The following ADCY7 variants were observed in gnomAD, a reference collection of about 807,000 sequenced individuals.
ADCY7 encodes adenylate cyclase type 7.
In ADCY7, 72 loss-of-function variants were observed where a neutral mutation model predicts 120.6. The ratio of observed to expected loss-of-function variants is 0.60; its 90% confidence interval spans 0.49 to 0.73. ADCY7 has a LOEUF of 0.73. ADCY7 is among the 30% of genes least tolerant of loss of function. The pLI, the probability that ADCY7 is intolerant of heterozygous loss-of-function variation, is 0.00. For missense variants in ADCY7, 1,227 were observed against 1,486.0 expected, an observed-to-expected ratio of 0.83 and a Z score of 2.87; for synonymous variants, 661 against 628.0, an observed-to-expected ratio of 1.05 and a Z score of -0.78.
chr16:50,276,424 T>A (rs895507983), intron 1 of ADCY7, among the ~76,000 whole-genome samples: 6 of 152,164 alleles, frequency 3.9e-5, no homozygotes, highest in Admixed American at 3.9e-4. Context: ...ATGCATGCCA[T>A]CTAGACTGGG....
At chr16:50,285,475 G>T (rs2034523492) in intron 1 of ADCY7, among the ~76,000 whole-genome samples, 1 of 152,226 alleles carries the variant, frequency 6.6e-6, no homozygotes, top group Non-Finnish European at 1.5e-5. Context: ...GGGACTTGGG[G>T]ACCCTGGATA....
upstream of ADCY7, among the ~76,000 whole-genome samples, chr16:50,262,025 C>T (rs1045057718): frequency 3.3e-5 from 5 of 152,316 alleles, no homozygotes; most frequent in South Asian, 6.2e-4. Context: ...AAGGGCTCGA[C>T]ATCTAGGTTT....
At position 50,316,617 on chromosome 16, in the gene ADCY7, G is replaced by GC. The variant is rs2036812333; in HGVS notation, c.*1117dup. 2 of 152,298 alleles carry GC rather than the reference G, an allele frequency of 1.3e-5. No homozygotes were observed. Among genetic ancestry groups the GC allele is most frequent in the African/African-American group, 4.8e-5 (2 of 41,418 alleles). The allele number at this position is 152,298 out of a possible 1,614,324, so 9.4% of individuals were successfully genotyped here. On this transcript the variant is annotated 3_prime_UTR_variant, in exon 26 of 26. Transcript: ENST00000673801. ...AGAGGCTCCTGGATCTGGGAAGCCCGCCCCCTCACAAATGCTGAGCCGTTC... is the reference window on the plus strand; with the variant it reads ...AGAGGCTCCTGGATCTGGGAAGCCCGCCCCCCTCACAAATGCTGAGCCGTTC...
intron 23 of ADCY7, 37 bp downstream of exon 23, chr16:50,314,099 C>T: frequency 6.3e-7 from 1 of 1,592,136 alleles, no homozygotes; most frequent in Non-Finnish European, 8.6e-7. Flanking sequence ...AGCTGACTGT[C>T]CTCACTTAAA....
chr16:50,252,935 T>C (rs2032802195), intron 1 of ADCY7, among the ~76,000 whole-genome samples: 1 of 152,214 alleles, frequency 6.6e-6, no homozygotes, highest in Admixed American at 6.5e-5. Flanking sequence ...AGACTTCTTT[T>C]CTTTTTTCAA....
chr16:50,253,669 CTT>C (rs2032825792), intron 1 of ADCY7, among the ~76,000 whole-genome samples: 1 of 152,188 alleles, frequency 6.6e-6, no homozygotes, highest in African/African-American at 2.4e-5. Flanking sequence ...ACTGCCCACT[CTT>C]TTGTGGTCAG....
Position 50,301,154 on chromosome 16 carries a change from G to A in ADCY7, c.1308G>A (p.Gln436=), listed in dbSNP as rs2035694096. The A allele has an allele frequency of 6.2e-7, 1 of 1,613,364 alleles. No homozygotes were observed. The highest frequency in any genetic ancestry group is 1.3e-5 in the African/African-American group (1 of 74,916). ...KAYEVEDGHG[Q]QRDPYLKEMN... is the part of the protein sequence containing the mutation. ...ACGAGGTGGAGGATGGGCACGGGCA[G>A]CAGCGGGACCCCTACCTCAAGGAGA... Residue 436 remains glutamine, a synonymous_variant, in exon 10 of 26, where the codon CAG becomes CAA. Transcript: ENST00000673801.
At position 50,310,733 on chromosome 16, in the gene ADCY7, TC is replaced by T; in HGVS notation, c.2209del (p.Leu737Ter). On this transcript the variant is annotated frameshift_variant, in exon 19 of 26. Transcript: ENST00000673801. LOFTEE classifies it high-confidence loss of function. ...CTGGGCTTCATCGCCTGCTCGGTCT[TC>T]CTGAGGATGAGCCTGGAGCCAAAGG... The part of the protein sequence containing the change: ...CVLGFIACSV[F>X]LRMSLEPKVV... 1 of 1,614,088 alleles carries T rather than the reference TC, an allele frequency of 6.2e-7. No individual in the cohort carries two copies. Among genetic ancestry groups the T allele is most frequent in the African/African-American group, 1.3e-5 (1 of 75,012 alleles).
At chr16:50,308,853 G>A (rs367774893) in intron 17 of ADCY7, 61 bp downstream of exon 17, 18 of 1,531,506 alleles carry the variant, frequency 1.2e-5, no homozygotes, top group African/African-American at 1.4e-5. Flanking sequence ...GATTTGGGAC[G>A]CCTACAATGT....
Position 50,298,957 on chromosome 16 carries a change from G to A in ADCY7, c.1002G>A (p.Ser334=), listed in dbSNP as rs551350058. 7.4e-6 allele frequency: 12 copies of A among 1,613,676 alleles called. No individual in the cohort carries two copies. Among genetic ancestry groups the A allele is most frequent in the Middle Eastern group, 1.6e-4 (1 of 6,084 alleles). Residue 334 remains serine, a synonymous_variant, in exon 8 of 26, where the codon TCG becomes TCA. Coordinates refer to ENST00000673801, the MANE Select transcript of ADCY7 (RefSeq NM_001114.5). The stretch of plus-strand genomic sequence containing the variant: ...TCGGCGACTGCTACTACTGTGTATC[G>A]GGCCTGCCCGTGTCGCTGCCTACCC... ...KILGDCYYCV[S]GLPVSLPTHA...
intron 4 of ADCY7, 82 bp from the exon 5 acceptor site, chr16:50,292,594 T>C: frequency 1.3e-6 from 2 of 1,522,766 alleles, no homozygotes; most frequent in Non-Finnish European, 1.8e-6. Context: ...AGAGGTGCCA[T>C]CACTAGTCCG....
intron 3 of ADCY7, 97 bp from the exon 4 acceptor site, chr16:50,291,639 A>T: frequency 1.4e-6 from 2 of 1,446,330 alleles, no homozygotes; most frequent in Non-Finnish European, 1.9e-6. Flanking sequence ...CAACCTAAGG[A>T]TACGCACTGG....
chr16:50,315,404 T>C lies in ADCY7; in HGVS notation c.3142T>C (p.Cys1048Arg). 6.2e-7 allele frequency: 1 copy of C among 1,614,032 alleles called. No homozygotes were observed. The highest frequency in any genetic ancestry group is 8.5e-7 in the Non-Finnish European group (1 of 1,179,878). The part of the protein sequence containing the change: ...CTILQGLGYS[C>R]ECRGLINVKG... ...CATCCTCCAGGGCCTCGGGTACTCT[T>C]GTGAATGCCGTGGCCTGATCAACGT... Residue 1048 changes from cysteine (C) to arginine (R), a missense_variant, in exon 26 of 26, where the codon TGT becomes CGT. This residue lies in a region of ADCY7 where 244 missense variants were observed against 332.8 expected (regional missense o/e 0.73). Coordinates refer to ENST00000673801, the MANE Select transcript of ADCY7 (RefSeq NM_001114.5).
intron 1 of ADCY7, among the ~76,000 whole-genome samples, chr16:50,283,103 G>A (rs908401694): frequency 1.3e-5 from 2 of 152,152 alleles, no homozygotes; most frequent in South Asian, 4.1e-4. Context: ...CCTTCCAGTT[G>A]ACTCTGAACC....
rs2036843495 is a variant in ADCY7, at chr16:50,317,240, A to G, written c.*1735A>G. ...ATAGAAGAACTTGCTGTATAAAGGA[A>G]TTTCATGGCAACAATGCTGGTAAGG... On this transcript the variant is annotated 3_prime_UTR_variant, in exon 26 of 26. Coordinates refer to ENST00000673801, the MANE Select transcript of ADCY7 (RefSeq NM_001114.5). 6.6e-6 allele frequency: 1 copy of G among 151,016 alleles called. No homozygotes were observed. The highest frequency in any genetic ancestry group is 2.5e-5 in the African/African-American group (1 of 39,754). The allele number at this position is 151,016 out of a possible 1,614,324, so 9.4% of individuals were successfully genotyped here. A position where few individuals can be genotyped will look rare whatever the true frequency, so the allele number is the denominator to read the frequency against.
chr16:50,314,052 A>T lies in ADCY7; in HGVS notation c.2846A>T (p.His949Leu). The change falls in exon 23 of 26, where the codon CAC becomes CTC. Residue 949 changes from histidine to leucine, a missense_variant. His to Leu is a moderately conservative substitution (Grantham distance 99). Coordinates refer to ENST00000673801, the MANE Select transcript of ADCY7 (RefSeq NM_001114.5). The part of the protein sequence containing the change: ...AAAGLSVASG[H>L]ENQELERQHA... The stretch of plus-strand genomic sequence containing the variant: ...GCAGGGCTCAGCGTCGCCTCAGGGC[A>T]CGAGAACCAGGTACTCAAGCCCAAG... 6.2e-7 allele frequency: 1 copy of T among 1,613,828 alleles called. No individual in the cohort carries two copies. The highest frequency in any genetic ancestry group is 1.7e-4 in the Middle Eastern group (1 of 6,060).
chr16:50,309,698 T>TG (rs758555761), intron 18 of ADCY7, 52 bp downstream of exon 18: 108 of 1,504,898 alleles, frequency 7.2e-5, no homozygotes, highest in Non-Finnish European at 9.5e-5. Context: ...GGGCTGCTGC[T>TG]GCCAGAGGTG....
rs563823204 is a variant in ADCY7, at chr16:50,297,359, G to A, written c.949-1545G>A. Among the ~76,000 whole-genome samples, 3 of 152,278 alleles carry A rather than the reference G, an allele frequency of 2.0e-5. No homozygotes were observed. The highest frequency in any genetic ancestry group is 2.1e-4 in the South Asian group (1 of 4,820). Reference sequence around the variant, plus strand: ...GGGACTGTCAGCCGGTGGAGCAGCCGGGGGAATGTGGCCTCTCCTACATCC... The same window carrying A: ...GGGACTGTCAGCCGGTGGAGCAGCCAGGGGAATGTGGCCTCTCCTACATCC... On this transcript the variant is annotated intron_variant, in intron 7 of 25. Transcript: ENST00000673801. The surrounding 1 kb of genome is among the most constrained non-coding windows in gnomAD (Gnocchi z 4.4).
At chr16:50,262,713 G>T (rs774691428), upstream of ADCY7, among the ~76,000 whole-genome samples, 6 of 152,160 alleles carry the variant, frequency 3.9e-5, no homozygotes, top group Non-Finnish European at 7.3e-5. Context: ...AGGGAACTAT[G>T]TCCAAGTCAG....
Sources: allele counts gnomAD v4.1 joint callset (sites outside exome capture counted in the v4.1 genomes callset), GRCh38; gene constraint gnomAD v4.1.1; regional missense constraint gnomAD v4.1.1; non-coding constraint Gnocchi (gnomAD v3.1); transcripts MANE v1.5; gene names NCBI Gene and HGNC (gene_info 2026-07-23, HGNC 2026-07-21).